Variants in COXFA4L2 observed in about 807,000 individuals in gnomAD.
COXFA4L2 encodes cytochrome c oxidase hypoxia associated subunit FA4L2, also known as NADH dehydrogenase (ubiquinone) 1 alpha subcomplex, 4-like 2.
the COXFA4L2 span, chr12:57,236,319 C>G: frequency 2.1e-6 from 1 of 476,424 alleles, no homozygotes; most frequent in Non-Finnish European, 3.7e-6. Flanking sequence ...AAAGCCCAAG[C>G]CCACCGCTGG....
chr12:57,237,390 T>C, the COXFA4L2 span: 1 of 1,330,260 alleles, frequency 7.5e-7, no homozygotes, highest in Non-Finnish European at 9.7e-7. Context: ...GGGAAGGACC[T>C]CAGTGGCATA....
chr12:57,237,480 G>T, the COXFA4L2 span: 1 of 530,928 alleles, frequency 1.9e-6, no homozygotes, highest in Non-Finnish European at 2.8e-6. Context: ...TTCACAGGTG[G>T]GACCAGGAGG....
chr12:57,235,779 C>CCAGGGCTCCGGGTTGTTCTTTCTGT, the COXFA4L2 span: 1 of 1,574,708 alleles, frequency 6.4e-7, no homozygotes, highest in Non-Finnish European at 8.6e-7. Flanking sequence ...TCAGGCGGTT[C>CCAGGGCTCCGGGTTGTTCTTTCTGT]CAGGGCTCCG....
the COXFA4L2 span, chr12:57,236,584 T>G: frequency 1.9e-6 from 3 of 1,572,354 alleles, no homozygotes; most frequent in Non-Finnish European, 2.6e-6. Context: ...TCCCAAGCCG[T>G]GCCTTTACCA....
At chr12:57,237,089 G>A in the COXFA4L2 span, 13 of 1,614,194 alleles carry the variant, frequency 8.1e-6, no homozygotes, top group East Asian at 1.1e-4. Context: ...CTGCCATATC[G>A]TTGTTTTCCC....
chr12:57,236,609 G>A, the COXFA4L2 span: 4 of 1,583,424 alleles, frequency 2.5e-6, no homozygotes, highest in African/African-American at 1.3e-5. Context: ...TCGGGGCTGC[G>A]AAGGGCGAGT....
At chr12:57,238,426 G>C in the COXFA4L2 span, among the ~76,000 whole-genome samples, 6 of 152,142 alleles carry the variant, frequency 3.9e-5, no homozygotes, top group African/African-American at 1.4e-4. This position sits in a 1 kb window ranked among gnomAD's most constrained non-coding sequence, Gnocchi z 6.8. Flanking sequence ...CGGGGGAGCG[G>C]GGCTGACGGG....
At chr12:57,235,557 C>T in the COXFA4L2 span, 35 of 1,613,094 alleles carry the variant, frequency 2.2e-5, 1 homozygote, top group Middle Eastern at 7.2e-4. Flanking sequence ...GGCAGCCCAG[C>T]CTGGCTTAGA....
chr12:57,235,481 C>T, the COXFA4L2 span: 1 of 1,463,974 alleles, frequency 6.8e-7, no homozygotes, highest in Non-Finnish European at 9.6e-7. Flanking sequence ...CGGAGTGATG[C>T]CTTGGGGCCT....
At chr12:57,238,412 G>A in the COXFA4L2 span, among the ~76,000 whole-genome samples, 2 of 152,142 alleles carry the variant, frequency 1.3e-5, no homozygotes, top group Non-Finnish European at 2.9e-5. The surrounding 1 kb of genome is among the most constrained non-coding windows in gnomAD (Gnocchi z 6.8). Flanking sequence ...GTGTGTGGGG[G>A]GGGCGGGGGA....
the COXFA4L2 span, chr12:57,239,528 C>T: frequency 6.6e-6 from 1 of 152,344 alleles, no homozygotes; most frequent in Non-Finnish European, 1.5e-5. This position sits in a 1 kb window ranked among gnomAD's most constrained non-coding sequence, Gnocchi z 5.5. Context: ...CCTCAGATGC[C>T]TGGGGGCCGG....
chr12:57,238,424 CGG>C, the COXFA4L2 span, among the ~76,000 whole-genome samples: 1 of 151,882 alleles, frequency 6.6e-6, no homozygotes, highest in South Asian at 2.1e-4. The surrounding 1 kb of genome is among the most constrained non-coding windows in gnomAD (Gnocchi z 6.8). Context: ...GGCGGGGGAG[CGG>C]GGCTGACGGG....
the COXFA4L2 span, chr12:57,237,402 G>A: frequency 7.8e-7 from 1 of 1,276,176 alleles, no homozygotes; most frequent in Non-Finnish European, 1.0e-6. Context: ...AGTGGCATAG[G>A]ACCCCATAAG....
chr12:57,236,490 G>T, the COXFA4L2 span: 1 of 973,310 alleles, frequency 1.0e-6, no homozygotes, highest in Non-Finnish European at 1.5e-6. Flanking sequence ...CGGTACAGTC[G>T]AAGGTGCATG....
the COXFA4L2 span, chr12:57,237,024 C>T: frequency 1.2e-6 from 2 of 1,614,086 alleles, no homozygotes; most frequent in African/African-American, 2.7e-5. Context: ...GTTCTGAGGA[C>T]TCACCCCCGG....
chr12:57,237,603 G>A, the COXFA4L2 span, among the ~76,000 whole-genome samples: 361 of 152,336 alleles, frequency 2.4e-3, 11 homozygotes, highest in Admixed American at 0.021. Flanking sequence ...GGGGGAAGGA[G>A]GAAGACAGGC....
the COXFA4L2 span, chr12:57,236,783 T>C: frequency 7.0e-6 from 7 of 1,003,438 alleles, no homozygotes; most frequent in Non-Finnish European, 1.0e-5. Flanking sequence ...ACCCCGGGTC[T>C]GGTGCTCCCT....
the COXFA4L2 span, chr12:57,236,645 C>G: frequency 1.9e-6 from 3 of 1,580,724 alleles, no homozygotes; most frequent in African/African-American, 2.7e-5. Context: ...GCAGCGCTGC[C>G]CATGCCCAGG....
the COXFA4L2 span, chr12:57,240,701 AAC>A: frequency 2.0e-6 from 2 of 985,502 alleles, no homozygotes; most frequent in African/African-American, 1.7e-5. Context: ...ACGCGATGGC[AAC>A]ACACACTCCC....
Sources: gnomAD v4.1 joint callset for allele counts (sites outside exome capture counted in the v4.1 genomes callset) on GRCh38, gnomAD v4.1.1 for gene constraint, Gnocchi (gnomAD v3.1) non-coding constraint, MANE v1.5 for transcripts, NCBI Gene and HGNC (gene_info 2026-07-23, HGNC 2026-07-21) for gene names.